Variants in SLC19A3 observed in about 807,000 individuals in gnomAD.
SLC19A3 encodes the protein solute carrier family 19 member 3, also known as thiamine transporter 2.
Under a neutral mutation model 40.2 loss-of-function variants are expected in SLC19A3, and 31 were observed. The observed-to-expected ratio is 0.77, with a 90% CI of 0.58 to 1.04. The LOEUF (loss-of-function observed/expected upper bound fraction) is 1.04. Among genes scored for constraint, SLC19A3 ranks in the 50% least tolerant of loss-of-function variants. SLC19A3 has a pLI of 0.00. For missense variants in SLC19A3, 592 were observed against 596.7 expected (o/e 0.99, Z 0.08); for synonymous variants, 212 against 227.5 (o/e 0.93, Z 0.61).
intron 5 of SLC19A3, among the ~76,000 whole-genome samples, 160 bp downstream of exon 5, chr2:227,688,006 A>G (rs372934736): frequency 2.0e-5 from 3 of 152,174 alleles, no homozygotes; most frequent in Non-Finnish European, 4.4e-5. Context: ...AGTTGCAATT[A>G]TTGCTCAAAA....
intron 4 of SLC19A3, among the ~76,000 whole-genome samples, chr2:227,689,590 C>T (rs139320157): frequency 0.017 from 2,636 of 152,246 alleles, 140 homozygotes; most frequent in Admixed American, 0.11. Flanking sequence ...CAGACCTGTC[C>T]TACAAGAAAT....
chr2:227,690,599 C>T (rs1270847919), intron 4 of SLC19A3, among the ~76,000 whole-genome samples: 1 of 140,988 alleles, frequency 7.1e-6, no homozygotes, highest in African/African-American at 2.6e-5. Flanking sequence ...CCCAGCTACT[C>T]GGGAGGCTGA....
rs1695726256 is a variant in SLC19A3, at chr2:227,702,239, A to G, written c.80T>C (p.Met27Thr). 1 of 1,613,844 alleles carries G rather than the reference A, an allele frequency of 6.2e-7. No homozygotes were observed. The highest frequency in any genetic ancestry group is 8.5e-7 in the Non-Finnish European group (1 of 1,179,852). ...VILCLFGFFS[M>T]MRPSEPFLIP... ...AAGGAATGGTTCTGAGGGTCTCATC[A>G]TGGAGAAAAAACCAAATAAGCAGAG... The change falls in exon 2 of 6, where the codon ATG (methionine) becomes ACG (threonine). Residue 27 changes from methionine (M) to threonine (T), a missense_variant. Coordinates refer to ENST00000644224, the MANE Select transcript of SLC19A3 (RefSeq NM_025243.4).
intron 1 of SLC19A3, among the ~76,000 whole-genome samples, chr2:227,711,106 G>A (rs1416890982): frequency 6.6e-6 from 1 of 152,158 alleles, no homozygotes; most frequent in Non-Finnish European, 1.5e-5. Context: ...AACCACCGTC[G>A]TTCTGCTGCA....
chr2:227,704,954 C>T (rs1187938028), intron 1 of SLC19A3, among the ~76,000 whole-genome samples: 1 of 152,006 alleles, frequency 6.6e-6, no homozygotes, highest in African/African-American at 2.4e-5. Context: ...GATTTCAGCT[C>T]ACTGCAACCT....
rs1272626560 is a variant in SLC19A3 at position 227,699,222 on chromosome 2, C to G, written c.493G>C (p.Ala165Pro). The change falls in exon 3 of 6, where the codon GCG becomes CCG. Residue 165 changes from alanine (A) to proline (P), a missense_variant. Coordinates refer to ENST00000644224, the MANE Select transcript of SLC19A3 (RefSeq NM_025243.4). ...TTGAGGTAAAAGTACGACATGTTCG[C>G]CAGGGATACCAAGAGTTGAGCCAGC... Reference protein sequence around the residue: ...SVLAQLLVSLANMSYFYLNVI... With the variant: ...SVLAQLLVSLPNMSYFYLNVI... The G allele has an allele frequency of 1.9e-6, 3 of 1,614,074 alleles. No individual in the cohort carries two copies. Among genetic ancestry groups the G allele is most frequent in the Middle Eastern group, 1.7e-4 (1 of 6,060 alleles).
chr2:227,707,366 CT>C (rs1254293731), intron 1 of SLC19A3, among the ~76,000 whole-genome samples: 1 of 152,122 alleles, frequency 6.6e-6, no homozygotes, highest in Admixed American at 6.5e-5. Flanking sequence ...AGGTGGATCG[CT>C]TGAGCTCAGG....
intron 4 of SLC19A3, among the ~76,000 whole-genome samples, chr2:227,691,461 T>G (rs573247701): frequency 9.9e-5 from 15 of 152,036 alleles, no homozygotes; most frequent in African/African-American, 3.4e-4. Flanking sequence ...ACACAAAAAT[T>G]AGCCAGGTGT....
chr2:227,704,076 CATAGCACCTAAT>C (rs1263337024), intron 1 of SLC19A3, among the ~76,000 whole-genome samples: 3 of 152,176 alleles, frequency 2.0e-5, no homozygotes, highest in Non-Finnish European at 4.4e-5. Context: ...AAGTGCCTAG[CATAGCACCTAAT>C]ACATAGCACT....
At chr2:227,702,095 G>T in intron 2 of SLC19A3, 74 bp downstream of exon 2, 1 of 1,190,562 alleles carries the variant, frequency 8.4e-7, no homozygotes, top group Non-Finnish European at 1.2e-6. Context: ...CAAGTTGAGG[G>T]AAGCCCTGTA....
At chr2:227,706,317 G>A (rs1695940616) in intron 1 of SLC19A3, 1 of 1,231,624 alleles carries the variant, frequency 8.1e-7, no homozygotes, top group Non-Finnish European at 1.0e-6. Flanking sequence ...GTTCATACCT[G>A]TGAAAGCCAG....
chr2:227,711,092 G>A (rs1355214488), intron 1 of SLC19A3, among the ~76,000 whole-genome samples: 1 of 152,180 alleles, frequency 6.6e-6, no homozygotes, highest in Non-Finnish European at 1.5e-5. Context: ...CCAGGGTCTT[G>A]CTTAACCACC....
chr2:227,711,798 C>T (rs992025776), intron 1 of SLC19A3, among the ~76,000 whole-genome samples: 130 of 151,518 alleles, frequency 8.6e-4, no homozygotes, highest in African/African-American at 3.0e-3. Flanking sequence ...GCCTATAGTC[C>T]CAGCATTTTG....
chr2:227,697,242 C>T (rs144805344), intron 3 of SLC19A3, among the ~76,000 whole-genome samples: 53 of 152,158 alleles, frequency 3.5e-4, no homozygotes, highest in Non-Finnish European at 4.9e-4. Flanking sequence ...GTCCTGGTTT[C>T]CAGGAGTTAA....
intron 4 of SLC19A3, among the ~76,000 whole-genome samples, chr2:227,690,815 G>A (rs1054718280): frequency 2.7e-5 from 4 of 150,292 alleles, no homozygotes; most frequent in Non-Finnish European, 2.9e-5. Flanking sequence ...ATCCAATACA[G>A]TAATAGTTGG....
intron 1 of SLC19A3, among the ~76,000 whole-genome samples, chr2:227,712,820 AT>A (rs34252073): frequency 0.91 from 138,156 of 151,996 alleles, 64,258 homozygotes; most frequent in East Asian, 1. Context: ...ACACAAAAAA[AT>A]GTATGATTTC....
At chr2:227,701,555 G>A (rs1201819979) in intron 2 of SLC19A3, 1 of 156,654 alleles carries the variant, frequency 6.4e-6, no homozygotes, top group Non-Finnish European at 1.4e-5. Context: ...CTGGGAGGCG[G>A]AGGTTGCAGT....
chr2:227,695,850 G>T, intron 4 of SLC19A3, 39 bp downstream of exon 4: 1 of 1,579,792 alleles, frequency 6.3e-7, no homozygotes, highest in Non-Finnish European at 8.7e-7. Flanking sequence ...GAAGAGAGAG[G>T]AATACAGTTC....
chr2:227,687,992 T>C (rs1425292152), intron 5 of SLC19A3, among the ~76,000 whole-genome samples, 174 bp downstream of exon 5: 3 of 152,200 alleles, frequency 2.0e-5, no homozygotes, highest in East Asian at 1.9e-4. Context: ...GTAAATGTTG[T>C]CCTAGTTGCA....
Sources: allele counts gnomAD v4.1 joint callset (sites outside exome capture counted in the v4.1 genomes callset), GRCh38; gene constraint gnomAD v4.1.1; transcripts MANE v1.5; gene names NCBI Gene and HGNC (gene_info 2026-07-23, HGNC 2026-07-21).